The following SEMA6A variants were observed in gnomAD, a reference collection of about 807,000 sequenced individuals.
The protein encoded by SEMA6A is semaphorin 6A.
A neutral mutation model predicts 96.8 loss-of-function variants in SEMA6A; 25 were observed. The observed-to-expected ratio is 0.26, with a 90% CI of 0.19 to 0.36. The LOEUF is 0.36. Ranked by LOEUF, SEMA6A falls within the 10% of genes least tolerant of loss-of-function variation. The pLI, the probability that SEMA6A is intolerant of heterozygous loss-of-function variation, is 1.00. For missense variants in SEMA6A, 1,363 were observed against 1,323.1 expected (o/e 1.03, Z -0.47); for synonymous variants, 612 against 518.0 (o/e 1.18, Z -2.46).
intron 1 of SEMA6A, among the ~76,000 whole-genome samples, chr5:116,567,663 C>T (rs537456792): frequency 1.2e-3 from 186 of 152,280 alleles, no homozygotes; most frequent in Non-Finnish European, 2.2e-3. Context: ...AACAAATCCA[C>T]GTGCATTGTC....
Position 116,480,429 on chromosome 5 carries a change from C to T in SEMA6A, c.1095-152G>A, listed in dbSNP as rs528238577. 36 of 905,984 alleles carry T rather than the reference C, an allele frequency of 4.0e-5. No individual in the cohort carries two copies. The African/African-American group carries it at 5.0e-4, about 13-fold the overall frequency. The allele number at this position is 905,984 out of a possible 1,614,324, so 56.1% of individuals were successfully genotyped here. A position where few individuals can be genotyped will look rare whatever the true frequency, so the allele number is the denominator to read the frequency against. On this transcript the variant is annotated intron_variant, in intron 11 of 18. Transcript: ENST00000343348. ...TTGAACAATGCAGAATGCCACCAAGCACAATATGCTGAGATTTCCTCTGAG... is the reference window on the plus strand; with the variant it reads ...TTGAACAATGCAGAATGCCACCAAGTACAATATGCTGAGATTTCCTCTGAG...
intron 1 of SEMA6A, among the ~76,000 whole-genome samples, chr5:116,509,070 G>A (rs1299616528): frequency 6.6e-6 from 1 of 152,250 alleles, no homozygotes; most frequent in African/African-American, 2.4e-5. Context: ...TCCGGTTGCA[G>A]CAAACGGTGC....
At chr5:116,538,753 A>G (rs923413483) in intron 1 of SEMA6A, among the ~76,000 whole-genome samples, 1 of 152,172 alleles carries the variant, frequency 6.6e-6, no homozygotes, top group Non-Finnish European at 1.5e-5. Flanking sequence ...AATAAAATAA[A>G]CATTTTAGAC....
At chr5:116,509,607 T>TGAGAGA (rs113431602) in intron 1 of SEMA6A, among the ~76,000 whole-genome samples, 29,301 of 150,390 alleles carry the variant, frequency 0.19, 3,052 homozygotes, top group East Asian at 0.34. Context: ...TCTGTGTGTG[T>TGAGAGA]GAGAGAGAGA....
intron 10 of SEMA6A, among the ~76,000 whole-genome samples, chr5:116,483,849 A>T (rs931828647): frequency 3.3e-5 from 5 of 152,116 alleles, no homozygotes; most frequent in Non-Finnish European, 5.9e-5. Context: ...GGATAACTTG[A>T]GATCATGAGT....
chr5:116,558,361 G>A (rs1760686435), intron 1 of SEMA6A, among the ~76,000 whole-genome samples: 1 of 152,034 alleles, frequency 6.6e-6, no homozygotes, highest in African/African-American at 2.4e-5. Context: ...AGGTATATAT[G>A]TGCCACGGTG....
chr5:116,518,437 TC>T (rs889666124), intron 1 of SEMA6A, among the ~76,000 whole-genome samples: 1 of 152,132 alleles, frequency 6.6e-6, no homozygotes, highest in African/African-American at 2.4e-5. Context: ...AAATCACCAT[TC>T]CCATAATTAA....
intron 3 of SEMA6A, among the ~76,000 whole-genome samples, chr5:116,500,042 GC>G (rs151161926): frequency 6.6e-6 from 1 of 152,276 alleles, no homozygotes; most frequent in East Asian, 1.9e-4. Flanking sequence ...GTTTTGATCA[GC>G]CCTTAGATAA....
At chr5:116,497,442 T>C in intron 3 of SEMA6A, 55 bp from the exon 4 acceptor site, 1 of 1,097,556 alleles carries the variant, frequency 9.1e-7, no homozygotes, top group Non-Finnish European at 1.4e-6. Context: ...AACAGTTCAT[T>C]TTCTGCTTAA....
At chr5:116,473,728 G>T (rs762674326) in intron 16 of SEMA6A, among the ~76,000 whole-genome samples, 3 of 152,098 alleles carry the variant, frequency 2.0e-5, no homozygotes, top group Non-Finnish European at 4.4e-5. Flanking sequence ...TATAATGATT[G>T]TACCAGTTAG....
At chr5:116,478,923 T>TGA (rs769036873) in intron 12 of SEMA6A, among the ~76,000 whole-genome samples, 26 of 102,496 alleles carry the variant, frequency 2.5e-4, no homozygotes, top group Admixed American at 1.2e-3. Flanking sequence ...GAAGGAGGTG[T>TGA]GAGAGAGTGT....
intron 1 of SEMA6A, among the ~76,000 whole-genome samples, chr5:116,567,817 CTGG>C (rs751515287): frequency 6.6e-6 from 1 of 152,220 alleles, no homozygotes; most frequent in Non-Finnish European, 1.5e-5. Context: ...TCTACTAGTC[CTGG>C]TTCACCCTGA....
At chr5:116,541,552 G>T (rs930033432) in intron 1 of SEMA6A, among the ~76,000 whole-genome samples, 2 of 152,166 alleles carry the variant, frequency 1.3e-5, no homozygotes, top group African/African-American at 2.4e-5. Flanking sequence ...GTTAGAGCAG[G>T]CCGGGTGCAG....
At chr5:116,570,475 G>A (rs1761168194) in intron 1 of SEMA6A, among the ~76,000 whole-genome samples, 1 of 152,180 alleles carries the variant, frequency 6.6e-6, no homozygotes, top group African/African-American at 2.4e-5. Context: ...CTCTACTCTA[G>A]GAGGACAGAA....
At chr5:116,557,598 G>A (rs1186651895) in intron 1 of SEMA6A, among the ~76,000 whole-genome samples, 1 of 152,240 alleles carries the variant, frequency 6.6e-6, no homozygotes, top group Non-Finnish European at 1.5e-5. Flanking sequence ...TAAAAGTGAA[G>A]TTAATTGGTT....
intron 10 of SEMA6A, among the ~76,000 whole-genome samples, chr5:116,485,674 T>C (rs777147409): frequency 6.6e-6 from 1 of 152,224 alleles, no homozygotes; most frequent in Non-Finnish European, 1.5e-5. Context: ...GTGCCTGTCA[T>C]TTAGGCACTC....
chr5:116,466,401 G>T, intron 18 of SEMA6A, among the ~76,000 whole-genome samples: 1 of 149,908 alleles, frequency 6.7e-6, no homozygotes. Context: ...AAAAAGATTT[G>T]AGTCAGGGCT....
At chr5:116,496,577 TAAAC>T (rs1420936684) in intron 4 of SEMA6A, among the ~76,000 whole-genome samples, 1 of 152,188 alleles carries the variant, frequency 6.6e-6, no homozygotes, top group Non-Finnish European at 1.5e-5. Flanking sequence ...GAAAGAAGAA[TAAAC>T]AAGAGTGTGG....
At chr5:116,519,702 T>C (rs573654203) in intron 1 of SEMA6A, among the ~76,000 whole-genome samples, 3,443 of 143,630 alleles carry the variant, frequency 0.024, 55 homozygotes, top group Admixed American at 0.036. Context: ...CGCACACACA[T>C]ACATTATACA....
Sources: gnomAD v4.1 joint callset for allele counts (sites outside exome capture counted in the v4.1 genomes callset) on GRCh38, gnomAD v4.1.1 for gene constraint, MANE v1.5 for transcripts, NCBI Gene and HGNC (gene_info 2026-07-23, HGNC 2026-07-21) for gene names.